Variants in BORA observed in about 807,000 individuals in gnomAD.
BORA encodes the protein BORA aurora kinase A activator.
A neutral mutation model predicts 55.8 loss-of-function variants in BORA; 26 were observed. That is an observed-to-expected ratio of 0.47 (90% CI 0.34 to 0.65). The LOEUF is 0.65. Ranked by LOEUF, BORA falls within the 30% of genes least tolerant of loss-of-function variation. The pLI is 0.01. For synonymous variants in BORA, 201 were observed against 216.9 expected, an observed-to-expected ratio of 0.93 and a Z score of 0.64; for missense variants, 568 against 671.5, an observed-to-expected ratio of 0.85 and a Z score of 1.70.
intron 3 of BORA, 102 bp from the exon 4 acceptor site, chr13:72,734,858 G>T: frequency 2.5e-6 from 2 of 814,122 alleles, no homozygotes; most frequent in Non-Finnish European, 3.8e-6. Flanking sequence ...ACATTTGCCA[G>T]TTTTCAATGA....
At chr13:72,733,002 CT>C (rs1004568710) in intron 3 of BORA, among the ~76,000 whole-genome samples, 1 of 152,070 alleles carries the variant, frequency 6.6e-6, no homozygotes, top group Admixed American at 6.6e-5. Flanking sequence ...GATATATTGT[CT>C]GCAAAGGTTT....
intron 10 of BORA, among the ~76,000 whole-genome samples, chr13:72,749,611 G>A (rs1412819116): frequency 1.3e-5 from 2 of 151,360 alleles, no homozygotes; most frequent in Non-Finnish European, 1.5e-5. Context: ...TTTGAAATGC[G>A]TTCGGTACTA....
At chr13:72,733,346 C>T (rs375581436) in intron 3 of BORA, among the ~76,000 whole-genome samples, 5 of 152,326 alleles carry the variant, frequency 3.3e-5, no homozygotes, top group African/African-American at 1.2e-4. Flanking sequence ...GAGGTCCCCT[C>T]TCCTTTGCCA....
intron 10 of BORA, among the ~76,000 whole-genome samples, chr13:72,748,411 A>C (rs2033195580): frequency 6.6e-6 from 1 of 152,178 alleles, no homozygotes; most frequent in Non-Finnish European, 1.5e-5. Flanking sequence ...TCTTCTAACC[A>C]CTTTATTAAT....
intron 3 of BORA, 111 bp from the exon 4 acceptor site, chr13:72,734,849 C>A: frequency 2.8e-6 from 2 of 716,988 alleles, no homozygotes; most frequent in East Asian, 2.9e-5. Flanking sequence ...GTGAGCTTAA[C>A]ATTTGCCAGT....
At position 72,748,829 on chromosome 13, in the gene BORA, C is replaced by T. The variant is rs570106256; in HGVS notation, c.1482+1718C>T. On this transcript the variant is annotated intron_variant, in intron 10 of 11. Transcript: ENST00000390667. ...TTAATCATCATCTAATCCAACTAAC[C>T]TTTGGAAGCCGTGGGTAGCATATTC... Among the ~76,000 whole-genome samples, 3 of 152,170 alleles carry T rather than the reference C, an allele frequency of 2.0e-5. No individual in the cohort carries two copies. In the East Asian group the frequency reaches 5.8e-4, roughly 29 times the overall value.
intron 11 of BORA, chr13:72,754,876 C>G (rs956609564): frequency 3.1e-6 from 1 of 321,608 alleles, no homozygotes; most frequent in Non-Finnish European, 5.8e-6. Context: ...CCACCACACC[C>G]AGCTTTTTAA....
At chr13:72,737,894 A>G (rs2032960780) in intron 4 of BORA, 68 bp from the exon 5 acceptor site, 5 of 1,006,726 alleles carry the variant, frequency 5.0e-6, no homozygotes, top group African/African-American at 1.6e-5. Flanking sequence ...ATTACTTGGA[A>G]AAACACAGGT....
intron 1 of BORA, among the ~76,000 whole-genome samples, chr13:72,728,687 T>C (rs539526730): frequency 6.6e-6 from 1 of 152,358 alleles, no homozygotes; most frequent in South Asian, 2.1e-4. Flanking sequence ...TTCTCTGAGC[T>C]TAATACTTTC....
intron 6 of BORA, among the ~76,000 whole-genome samples, chr13:72,743,998 A>T (rs189415826): frequency 6.6e-6 from 1 of 152,212 alleles, no homozygotes; most frequent in East Asian, 1.9e-4. Context: ...TGGCCCCCCA[A>T]AGTGCTAGGA....
Position 72,755,188 on chromosome 13 carries a change from C to G in BORA, c.1652C>G (p.Ala551Gly). 6.2e-7 allele frequency: 1 copy of G among 1,613,682 alleles called. No individual in the cohort carries two copies. The highest frequency in any genetic ancestry group is 8.5e-7 in the Non-Finnish European group (1 of 1,179,824). Reference protein sequence around the residue: ...HTTQRCWMKTASPFQCSSP With the variant: ...HTTQRCWMKTGSPFQCSSP ...ACACAGAGGTGTTGGATGAAAACAGCAAGCCCTTTTCAATGCAGCAGTCCA... is the reference window on the plus strand; with the variant it reads ...ACACAGAGGTGTTGGATGAAAACAGGAAGCCCTTTTCAATGCAGCAGTCCA... Residue 551 changes from alanine to glycine, a missense_variant, in exon 12 of 12, where the codon GCA becomes GGA. By Grantham distance (60) the Ala-to-Gly change is moderately conservative. Coordinates refer to ENST00000390667, the MANE Select transcript of BORA (RefSeq NM_024808.5).
intron 10 of BORA, among the ~76,000 whole-genome samples, chr13:72,747,623 T>G (rs1593818033): frequency 6.6e-6 from 1 of 152,140 alleles, no homozygotes; most frequent in East Asian, 1.9e-4. Flanking sequence ...AACCTCCACC[T>G]TCTGGGTTCA....
chr13:72,729,174 TTACAAGGTAAGGAGGAAA>T, intron 2 of BORA, 81 bp downstream of exon 2: 1 of 1,216,436 alleles, frequency 8.2e-7, no homozygotes, highest in Non-Finnish European at 1.1e-6. Context: ...ACATCTGTCT[TTACAAGGTAAGGAGGAAA>T]TACATTATGG....
At chr13:72,753,516 A>G (rs1224203100) in intron 10 of BORA, 174 bp from the exon 11 acceptor site, 2 of 614,314 alleles carry the variant, frequency 3.3e-6, no homozygotes, top group Non-Finnish European at 5.5e-6. Flanking sequence ...AATCAGTACT[A>G]TGCAGGACTA....
intron 10 of BORA, among the ~76,000 whole-genome samples, chr13:72,751,521 C>T (rs1847634679): frequency 6.6e-6 from 1 of 152,066 alleles, no homozygotes; most frequent in Non-Finnish European, 1.5e-5. Context: ...CATGTACTCC[C>T]TCATGTGGAA....
intron 5 of BORA, among the ~76,000 whole-genome samples, chr13:72,741,863 C>T (rs1030059570): frequency 2.0e-5 from 3 of 152,156 alleles, no homozygotes; most frequent in African/African-American, 7.2e-5. Context: ...TAAGATAATA[C>T]CTAGAGATGA....
At chr13:72,751,856 T>G (rs771292378) in intron 10 of BORA, among the ~76,000 whole-genome samples, 10 of 152,178 alleles carry the variant, frequency 6.6e-5, no homozygotes, top group Middle Eastern at 3.2e-3. Flanking sequence ...ATATGTGTAA[T>G]TGTGTGTCAG....
intron 2 of BORA, among the ~76,000 whole-genome samples, chr13:72,730,357 T>G (rs1412096900): frequency 6.6e-6 from 1 of 152,230 alleles, no homozygotes; most frequent in Non-Finnish European, 1.5e-5. Context: ...AATAATAGAT[T>G]GACGGCAGCT....
intron 10 of BORA, chr13:72,753,379 A>G (rs1426712623): frequency 5.1e-6 from 1 of 197,260 alleles, no homozygotes; most frequent in African/African-American, 2.3e-5. Context: ...TAGTTGTAAT[A>G]CTCATTTTTG....
Sources: allele counts gnomAD v4.1 joint callset (sites outside exome capture counted in the v4.1 genomes callset), GRCh38; gene constraint gnomAD v4.1.1; transcripts MANE v1.5; gene names NCBI Gene and HGNC (gene_info 2026-07-23, HGNC 2026-07-21).